MET: variants seen among roughly 807,000 people sequenced by gnomAD.
MET encodes the protein hepatocyte growth factor receptor.
Under a neutral mutation model 133.1 loss-of-function variants are expected in MET, and 48 were observed. The observed-to-expected ratio is 0.36, with a 90% CI of 0.29 to 0.46. MET has a LOEUF of 0.46. Among genes scored for constraint, MET ranks in the 20% least tolerant of loss-of-function variants. The pLI, the probability that MET is intolerant of heterozygous loss-of-function variation, is 1.00. For synonymous variants in MET, 628 were observed against 616.5 expected, an observed-to-expected ratio of 1.02 and a Z score of -0.28; for missense variants, 1,442 against 1,695.9, an observed-to-expected ratio of 0.85 and a Z score of 2.63.
intron 1 of MET, among the ~76,000 whole-genome samples, chr7:116,679,600 A>G (rs1796277966): frequency 1.3e-5 from 2 of 152,238 alleles, no homozygotes; most frequent in Non-Finnish European, 2.9e-5. Context: ...AAGCAAGAGC[A>G]GCAAGTCCAA....
chr7:116,707,837 A>AT (rs1791857505), intron 2 of MET, among the ~76,000 whole-genome samples: 1 of 152,140 alleles, frequency 6.6e-6, no homozygotes, highest in South Asian at 2.1e-4. Flanking sequence ...AATGTGCAAT[A>AT]TTTTCCATTT....
intron 1 of MET, among the ~76,000 whole-genome samples, chr7:116,686,754 C>A (rs138860626): frequency 3.2e-4 from 48 of 152,272 alleles, no homozygotes; most frequent in African/African-American, 1.0e-3. Flanking sequence ...AATCTTATAC[C>A]TTTTTCCACT....
chr7:116,753,657 G>C (rs990522367), intron 5 of MET, among the ~76,000 whole-genome samples: 2 of 152,078 alleles, frequency 1.3e-5, no homozygotes, highest in Non-Finnish European at 2.9e-5. Context: ...AGATAATTAG[G>C]AAAAATTGTT....
intron 1 of MET, among the ~76,000 whole-genome samples, chr7:116,681,339 C>A (rs1340143336): frequency 6.9e-6 from 1 of 145,030 alleles, no homozygotes; most frequent in Non-Finnish European, 1.6e-5. Context: ...AAAGGTTTTA[C>A]ACCATTTTCA....
At chr7:116,722,006 T>G (rs1792509876) in intron 2 of MET, among the ~76,000 whole-genome samples, 1 of 150,862 alleles carries the variant, frequency 6.6e-6, no homozygotes, top group South Asian at 2.1e-4. Flanking sequence ...TAGGTCCTCT[T>G]GGTGCAGAGC....
intron 1 of MET, among the ~76,000 whole-genome samples, chr7:116,679,698 T>G (rs960005386): frequency 9.8e-5 from 15 of 152,290 alleles, no homozygotes; most frequent in Admixed American, 2.6e-4. Context: ...AGAGTGGTGT[T>G]GGGTATTGCT....
Position 116,757,716 on chromosome 7 carries a change from C to T in MET, c.2044C>T (p.Leu682=). 6.2e-7 allele frequency: 1 copy of T among 1,613,916 alleles called. No individual in the cohort carries two copies. Residue 682 remains leucine (L), a synonymous_variant, in exon 8 of 21, where the codon CTA becomes TTA. Coordinates refer to ENST00000397752, the MANE Select transcript of MET (RefSeq NM_000245.4). ...GTLLTLTGNY[L]NSGNSRHISI... ...TTTACTTACTTTAACTGGAAATTAC[C>T]TAAACAGTGGGAATTCTAGACACAT... is the stretch of plus-strand genomic sequence containing the variant.
At chr7:116,754,988 G>GAAAGAAAGA (rs1562919804) in intron 5 of MET, among the ~76,000 whole-genome samples, 1 of 134,776 alleles carries the variant, frequency 7.4e-6, no homozygotes, top group Non-Finnish European at 1.6e-5. Flanking sequence ...AGAAAGGAAA[G>GAAAGAAAGA]AAAGAAAGAA....
In MET at chr7:116,699,067, G is replaced by A. The variant is rs144126521; in HGVS notation, c.-14-4G>A. On this transcript the variant is annotated splice_polypyrimidine_tract_variant and splice_region_variant and intron_variant, in intron 1 of 20. Coordinates refer to ENST00000397752, the MANE Select transcript of MET (RefSeq NM_000245.4). ...CTGCTCTCGCCTTGAACCTGTTTTG[G>A]CAGATAAACCTCTCATAATGAAGGC... The A allele has an allele frequency of 5.7e-4, 922 of 1,613,656 alleles. 8 individuals carry two copies. In the African/African-American group the frequency reaches 0.011, roughly 19 times the overall value.
chr7:116,696,767 T>C (rs776067879), intron 1 of MET, among the ~76,000 whole-genome samples: 2 of 152,166 alleles, frequency 1.3e-5, no homozygotes, highest in African/African-American at 4.8e-5. Context: ...CTAGTCGGAG[T>C]GGAGTCTCTG....
intron 5 of MET, among the ~76,000 whole-genome samples, chr7:116,749,493 G>A (rs192309281): frequency 3.3e-5 from 5 of 152,272 alleles, no homozygotes; most frequent in Admixed American, 3.3e-4. Flanking sequence ...TAAACCCACA[G>A]CCAATATCAT....
chr7:116,740,111 A>G (rs1483322076), intron 4 of MET, 27 bp downstream of exon 4: 1 of 1,613,784 alleles, frequency 6.2e-7, no homozygotes, highest in Admixed American at 1.7e-5. Flanking sequence ...GGGAATTTCC[A>G]TAGACGTGGT....
Position 116,774,913 on chromosome 7 carries a change from T to G in MET, c.3061T>G (p.Cys1021Gly). ...TCCTAATTCATCTCAGAACGGTTCA[T>G]GCCGACAAGTGCAGTATCCTCTGAC... ...QFPNSSQNGS[C>G]RQVQYPLTDM... Residue 1021 changes from cysteine (C) to glycine (G), a missense_variant, in exon 15 of 21, where the codon TGC (cysteine) becomes GGC (glycine). Cys to Gly is a radical substitution (Grantham distance 159). Around this residue, in one of 6 missense-constraint regions of MET, gnomAD observed 514 missense variants for 659.6 expected, o/e 0.78. Transcript: ENST00000397752. The G allele has an allele frequency of 6.2e-7, 1 of 1,614,192 alleles. No homozygotes were observed. Among genetic ancestry groups the G allele is most frequent in the Non-Finnish European group, 8.5e-7 (1 of 1,179,994 alleles).
At chr7:116,771,803 C>T (rs769808985) in intron 13 of MET, 46 bp from the exon 14 acceptor site, 8 of 1,613,278 alleles carry the variant, frequency 5.0e-6, no homozygotes, top group African/African-American at 1.3e-5. Flanking sequence ...TCCTGGGGCC[C>T]ATGATAGCCG....
chr7:116,758,419 C>T (rs2116929260), intron 8 of MET, 40 bp from the exon 9 acceptor site: 1 of 1,581,002 alleles, frequency 6.3e-7, no homozygotes, highest in South Asian at 1.1e-5. Flanking sequence ...ATGTGTATCT[C>T]TAATAGCTAA....
At position 116,774,953 on chromosome 7, in the gene MET, T is replaced by C. The variant is rs778970616; in HGVS notation, c.3101T>C (p.Ile1034Thr). The C allele has an allele frequency of 6.2e-7, 1 of 1,614,112 alleles. No individual in the cohort carries two copies. Among genetic ancestry groups the C allele is most frequent in the Non-Finnish European group, 8.5e-7 (1 of 1,179,978 alleles). Residue 1034 changes from isoleucine (I) to threonine (T), a missense_variant, in exon 15 of 21, where the codon ATC becomes ACC. By Grantham distance (89) the Ile-to-Thr change is moderately conservative. Around this residue, in one of 6 missense-constraint regions of MET, gnomAD observed 514 missense variants for 659.6 expected, o/e 0.78. Transcript: ENST00000397752. ...TATCCTCTGACAGACATGTCCCCCATCCTAACTAGTGGGGACTCTGATATA... is the reference window on the plus strand; with the variant it reads ...TATCCTCTGACAGACATGTCCCCCACCCTAACTAGTGGGGACTCTGATATA... ...VQYPLTDMSP[I>T]LTSGDSDISS...
chr7:116,713,394 CAAAA>C (rs749848531), intron 2 of MET, among the ~76,000 whole-genome samples: 2 of 77,554 alleles, frequency 2.6e-5, no homozygotes, highest in Non-Finnish European at 2.9e-5. Context: ...GACTCCGTCT[CAAAA>C]AAAAAAAAAA....
chr7:116,779,899 T>C (rs1380643241), intron 17 of MET, among the ~76,000 whole-genome samples: 2 of 152,222 alleles, frequency 1.3e-5, no homozygotes, highest in African/African-American at 2.4e-5. Flanking sequence ...TTGCTTTATA[T>C]TTCTATTGAA....
intron 1 of MET, among the ~76,000 whole-genome samples, chr7:116,695,231 C>T (rs1263711748): frequency 6.6e-6 from 1 of 152,062 alleles, no homozygotes; most frequent in African/African-American, 2.4e-5. Flanking sequence ...CCATTGTGCT[C>T]TAGATGGTTT....
Sources: allele counts gnomAD v4.1 joint callset (sites outside exome capture counted in the v4.1 genomes callset), GRCh38; gene constraint gnomAD v4.1.1; regional missense constraint gnomAD v4.1.1; transcripts MANE v1.5; gene names NCBI Gene and HGNC (gene_info 2026-07-23, HGNC 2026-07-21).